The following SEMA4C variants were observed in gnomAD, a reference collection of about 807,000 sequenced individuals.
SEMA4C encodes semaphorin 4C.
In SEMA4C, 19 loss-of-function variants were observed where a neutral mutation model predicts 89.0. The ratio of observed to expected loss-of-function variants is 0.21; its 90% CI spans 0.15 to 0.31. SEMA4C has a LOEUF of 0.31. Among genes scored for constraint, SEMA4C ranks in the 10% least tolerant of loss-of-function variants. The pLI is 1.00. For synonymous variants in SEMA4C, 428 were observed against 472.7 expected (o/e 0.91, Z 1.23); for missense variants, 811 against 1,107.0 (o/e 0.73, Z 3.79).
At position 96,860,641 on chromosome 2, in the gene SEMA4C, CTCGGGGTTGGAG is replaced by C; in HGVS notation, c.2475_2486del (p.Asp825_Pro828del). On this transcript the variant is annotated inframe_deletion, in exon 15 of 15. Transcript: ENST00000305476. ...GGGGTTCCCCTCATACTGATGACTC[CTCGGGGTTGGAG>C]TCGGGCAGTGGCTGGCGTTGCTGCA... The C allele has an allele frequency of 6.2e-7, 1 of 1,609,794 alleles. No homozygotes were observed. The highest frequency in any genetic ancestry group is 8.5e-7 in the Non-Finnish European group (1 of 1,177,682).
At position 96,861,216 on chromosome 2, in the gene SEMA4C, C is replaced by T; in HGVS notation, c.1912G>A (p.Ala638Thr). 6.2e-7 allele frequency: 1 copy of T among 1,610,472 alleles called. No individual in the cohort carries two copies. Among genetic ancestry groups the T allele is most frequent in the Non-Finnish European group, 8.5e-7 (1 of 1,179,712 alleles). Residue 638 changes from alanine to threonine, a missense_variant, in exon 15 of 15, where the codon GCT becomes ACT. Ala to Thr is a moderately conservative substitution (Grantham distance 58, BLOSUM62 0). Around this residue, in one of 4 missense-constraint regions of SEMA4C, gnomAD observed 248 missense variants for 269.0 expected, o/e 0.92. Coordinates refer to ENST00000305476, the MANE Select transcript of SEMA4C (RefSeq NM_017789.5). This position sits in a 1 kb window ranked among gnomAD's most constrained non-coding sequence, Gnocchi z 7.8. Reference sequence around the variant, plus strand: ...ACGACAGCCACAAGGTAGCCTTCAGCAGCCAGCCGCGCCCCCTGCTCCTCT... The same window carrying T: ...ACGACAGCCACAAGGTAGCCTTCAGTAGCCAGCCGCGCCCCCTGCTCCTCT... ...FSEEQGARLA[A>T]EGYLVAVVAG...
At chr2:96,869,247 A>C (rs2080152760) in intron 1 of SEMA4C, 1 of 985,008 alleles carries the variant, frequency 1.0e-6, no homozygotes. Context: ...CGGTGCTCCC[A>C]CCCGCAGCTC....
Position 96,866,417 on chromosome 2 carries a change from C to T in SEMA4C, c.124G>A (p.Val42Ile). The T allele has an allele frequency of 6.2e-7, 1 of 1,613,990 alleles. No individual in the cohort carries two copies. The highest frequency in any genetic ancestry group is 8.5e-7 in the Non-Finnish European group (1 of 1,180,036). The part of the protein sequence containing the change: ...TVSSGELATV[V>I]RRFSQTGIQD... ...ATGCCGGTCTGGGAGAACCGCCGTA[C>T]TACCGTGGCCAGCTCTGCAGGGGTA... Residue 42 changes from valine to isoleucine, a missense_variant, in exon 3 of 15, where the codon GTA (valine) becomes ATA (isoleucine). Val to Ile is a conservative substitution (Grantham distance 29). Transcript: ENST00000305476.
upstream of SEMA4C, chr2:96,870,253 G>A (rs985008028): frequency 4.1e-6 from 4 of 985,352 alleles, no homozygotes; most frequent in African/African-American, 3.5e-5. Flanking sequence ...CTGGGTGCCC[G>A]GACCTCAACC....
At chr2:96,869,409 G>T in intron 1 of SEMA4C, 1 of 985,110 alleles carries the variant, frequency 1.0e-6, no homozygotes, top group Non-Finnish European at 1.2e-6. Context: ...CGGGGACGGC[G>T]CGGCCCGGCT....
Position 96,864,163 on chromosome 2 carries a change from T to TG in SEMA4C, c.1108-16dup, listed in dbSNP as rs772977105. 7 of 1,590,530 alleles carry TG rather than the reference T, an allele frequency of 4.4e-6. No homozygotes were observed. Among genetic ancestry groups the TG allele is most frequent in the Middle Eastern group, 1.7e-4 (1 of 6,026 alleles). On this transcript the variant is annotated splice_polypyrimidine_tract_variant and intron_variant, in intron 10 of 14. Transcript: ENST00000305476. The surrounding 1 kb of genome is among the most constrained non-coding windows in gnomAD (Gnocchi z 6.3). ...TTGTTAATGCACTGGGGGCAGGGTG[T>TG]GGGGGGCAGGCCATCAGCAGGGTGG...
rs755582087 is a variant in SEMA4C, at chr2:96,860,606, C to T, written c.*20G>A. Reference sequence around the variant, plus strand: ...GAGCTACACCTCCCACGCTTCCCGCCGACGCGGTGGGGGTTCCCCTCATAC... The same window carrying T: ...GAGCTACACCTCCCACGCTTCCCGCTGACGCGGTGGGGGTTCCCCTCATAC... On this transcript the variant is annotated 3_prime_UTR_variant, in exon 15 of 15. Coordinates refer to ENST00000305476, the MANE Select transcript of SEMA4C (RefSeq NM_017789.5). The T allele has an allele frequency of 2.2e-5, 35 of 1,572,140 alleles. No individual in the cohort carries two copies. In the East Asian group the frequency reaches 6.1e-4, roughly 27 times the overall value.
chr2:96,865,498 C>T lies in SEMA4C; in HGVS notation c.460G>A (p.Asp154Asn). Residue 154 changes from aspartate (D) to asparagine (N), a missense_variant, in exon 6 of 15, where the codon GAT (aspartate) becomes AAT (asparagine). Asp to Asn is a conservative substitution (Grantham distance 23). Transcript: ENST00000305476. ...TCATAGGGACACTTGCCCTTCCCAT[C>T]TTCAAACTCTCCATGCTCCAAAGTG... ...TFTLEHGEFE[D>N]GKGKCPYDPA... 1.2e-6 allele frequency: 2 copies of T among 1,614,090 alleles called. No individual in the cohort carries two copies. The highest frequency in any genetic ancestry group is 1.7e-6 in the Non-Finnish European group (2 of 1,180,036).
At chr2:96,870,302 G>A, upstream of SEMA4C, 1 of 985,542 alleles carries the variant, frequency 1.0e-6, no homozygotes, top group Non-Finnish European at 1.2e-6. Flanking sequence ...CGGAGTCGCG[G>A]GCTGCGCCAC....
At chr2:96,869,280 A>T in intron 1 of SEMA4C, 1 of 985,346 alleles carries the variant, frequency 1.0e-6, no homozygotes, top group African/African-American at 1.7e-5. Context: ...GGAAACGGGC[A>T]GCCGGGAGGA....
Position 96,861,553 on chromosome 2 carries a change from G to A in SEMA4C, c.1672+26C>T, listed in dbSNP as rs371270445. 41 of 1,600,306 alleles carry A rather than the reference G, an allele frequency of 2.6e-5. No homozygotes were observed. In the African/African-American group the frequency reaches 3.9e-4, roughly 15 times the overall value. ...CCAGCTCTGGTCCAGGGCTCAGCCC[G>A]ATGCGACGGGAATGAAAAAGCTCAC... On this transcript the variant is annotated intron_variant, in intron 14 of 14. Coordinates refer to ENST00000305476, the MANE Select transcript of SEMA4C (RefSeq NM_017789.5). The surrounding 1 kb of genome is among the most constrained non-coding windows in gnomAD (Gnocchi z 7.8).
chr2:96,866,040 C>T, intron 3 of SEMA4C, 111 bp from the exon 4 acceptor site: 1 of 1,213,556 alleles, frequency 8.2e-7, no homozygotes, highest in African/African-American at 1.5e-5. Context: ...GGCATGGTCC[C>T]TATTCTCTGG....
chr2:96,860,558 A>T lies in SEMA4C; in HGVS notation c.*68T>A. 2 of 1,386,896 alleles carry T rather than the reference A, an allele frequency of 1.4e-6. No homozygotes were observed. Among genetic ancestry groups the T allele is most frequent in the East Asian group, 2.3e-5 (1 of 43,504 alleles). The allele number at this position is 1,386,896 out of a possible 1,614,324, so 85.9% of individuals were successfully genotyped here. Reference sequence around the variant, plus strand: ...GGTGCCCGTGCCATGTCCCTGAGGTAGCTGGTGCCTGTGCAAAAGTAGGAG... The same window carrying T: ...GGTGCCCGTGCCATGTCCCTGAGGTTGCTGGTGCCTGTGCAAAAGTAGGAG... On this transcript the variant is annotated 3_prime_UTR_variant, in exon 15 of 15. Transcript: ENST00000305476.
At chr2:96,869,102 G>T (rs1028023276) in intron 1 of SEMA4C, 1 of 985,250 alleles carries the variant, frequency 1.0e-6, no homozygotes, top group Non-Finnish European at 1.2e-6. Context: ...GCCCCCTGTC[G>T]GCCCAGAGCC....
intron 12 of SEMA4C, chr2:96,863,437 A>G: frequency 7.8e-7 from 1 of 1,283,606 alleles, no homozygotes; most frequent in Non-Finnish European, 9.9e-7. Flanking sequence ...CCAAGGCTTG[A>G]TGCTGGGAGC....
upstream of SEMA4C, chr2:96,870,184 A>C: frequency 1.0e-6 from 1 of 984,178 alleles, no homozygotes; most frequent in South Asian, 4.7e-5. Flanking sequence ...GGGGGCTGCG[A>C]CCCGCAGCGA....
chr2:96,865,785 G>C (rs17119625), intron 4 of SEMA4C, 21 bp from the exon 5 acceptor site: 42 of 1,613,738 alleles, frequency 2.6e-5, no homozygotes, highest in Non-Finnish European at 3.2e-5. Flanking sequence ...AAAGGTGTCC[G>C]GTTAGTGAGA....
In SEMA4C at chr2:96,861,072, A is replaced by G. The variant is rs1189871542; in HGVS notation, c.2056T>C (p.Leu686=). ...AGCTCTTCCCGCAGCCGCCGGCGCA[A>G]TGACAGCACCAGCAGCAGCAGCACC... ...CLVLLLLVLS[L]RRRLREELEK... The change falls in exon 15 of 15, where the codon TTG becomes CTG. Residue 686 remains leucine, a synonymous_variant. Coordinates refer to ENST00000305476, the MANE Select transcript of SEMA4C (RefSeq NM_017789.5). This position sits in a 1 kb window ranked among gnomAD's most constrained non-coding sequence, Gnocchi z 7.8. 1.2e-6 allele frequency: 2 copies of G among 1,612,612 alleles called. No individual in the cohort carries two copies. Among genetic ancestry groups the G allele is most frequent in the Non-Finnish European group, 1.7e-6 (2 of 1,179,968 alleles).
Position 96,861,729 on chromosome 2 carries a change from C to G in SEMA4C, c.1601+8G>C. The G allele has an allele frequency of 6.2e-7, 1 of 1,613,440 alleles. No homozygotes were observed. The highest frequency in any genetic ancestry group is 8.5e-7 in the Non-Finnish European group (1 of 1,179,764). On this transcript the variant is annotated splice_region_variant and intron_variant, in intron 13 of 14. Coordinates refer to ENST00000305476, the MANE Select transcript of SEMA4C (RefSeq NM_017789.5). This position sits in a 1 kb window ranked among gnomAD's most constrained non-coding sequence, Gnocchi z 7.8. ...TGGAGGTCCTGGCCTATGTAGAGCC[C>G]AACTCACCCAGAGTGGCCACCCACG...
Sources: gnomAD v4.1 joint callset for allele counts on GRCh38, gnomAD v4.1.1 for gene constraint, gnomAD v4.1.1 regional missense constraint, Gnocchi (gnomAD v3.1) non-coding constraint, MANE v1.5 for transcripts, NCBI Gene and HGNC (gene_info 2026-07-23, HGNC 2026-07-21) for gene names.